The following L3MBTL4 variants were observed in gnomAD, a reference collection of about 807,000 sequenced individuals.
The protein encoded by L3MBTL4 is L3MBTL histone methyl-lysine binding protein 4.
In L3MBTL4, 70 loss-of-function variants were observed where a neutral mutation model predicts 84.5. The observed-to-expected ratio is 0.83, with a 90% CI of 0.68 to 1.01. The LOEUF is 1.01. L3MBTL4 is among the 50% of genes least tolerant of loss of function. The pLI is 0.00. For missense variants in L3MBTL4, 715 were observed against 754.8 expected (o/e 0.95, Z 0.62); for synonymous variants, 274 against 259.8 (o/e 1.05, Z -0.52).
intron 1 of L3MBTL4, among the ~76,000 whole-genome samples, chr18:6,315,799 A>G (rs1259267166): frequency 1.3e-5 from 2 of 152,176 alleles, no homozygotes; most frequent in Admixed American, 6.5e-5. Flanking sequence ...GTGGCTTCAT[A>G]TTGTCACTTT....
At chr18:5,965,088 A>G (rs2052279413) in intron 17 of L3MBTL4, among the ~76,000 whole-genome samples, 1 of 152,208 alleles carries the variant, frequency 6.6e-6, no homozygotes, top group African/African-American at 2.4e-5. Flanking sequence ...ACACCCACAC[A>G]CATCCCTCAC....
intron 1 of L3MBTL4, among the ~76,000 whole-genome samples, chr18:6,331,912 T>A (rs909737014): frequency 2.0e-5 from 3 of 151,108 alleles, no homozygotes; most frequent in Non-Finnish European, 4.4e-5. Flanking sequence ...TAAGATAACT[T>A]ATATCCAACA....
At chr18:6,303,652 T>C (rs2050441657) in intron 3 of L3MBTL4, among the ~76,000 whole-genome samples, 1 of 152,128 alleles carries the variant, frequency 6.6e-6, no homozygotes, top group Admixed American at 6.5e-5. Context: ...GACCTGTTCA[T>C]AGCACTTTGA....
chr18:6,403,162 T>C (rs2055581953), intron 1 of L3MBTL4, among the ~76,000 whole-genome samples: 1 of 152,236 alleles, frequency 6.6e-6, no homozygotes, highest in South Asian at 2.1e-4. Flanking sequence ...CATTTATGCG[T>C]ATGAAAAACC....
intron 1 of L3MBTL4, among the ~76,000 whole-genome samples, chr18:6,348,055 C>T (rs2053002586): frequency 6.6e-6 from 1 of 151,854 alleles, no homozygotes; most frequent in African/African-American, 2.4e-5. Flanking sequence ...AGCATTGATT[C>T]CTATTAAAGA....
chr18:6,394,337 G>A (rs1437096927), intron 1 of L3MBTL4, among the ~76,000 whole-genome samples: 1 of 152,016 alleles, frequency 6.6e-6, no homozygotes, highest in Non-Finnish European at 1.5e-5. Flanking sequence ...GTATGGTGAT[G>A]CACACCTGTA....
chr18:6,372,062 C>T (rs1409592749), intron 1 of L3MBTL4, among the ~76,000 whole-genome samples: 1 of 152,210 alleles, frequency 6.6e-6, no homozygotes, highest in Non-Finnish European at 1.5e-5. Context: ...CCTGACCACC[C>T]CTCCACCCAG....
chr18:6,172,308 A>G (rs572076884), intron 12 of L3MBTL4, among the ~76,000 whole-genome samples: 19 of 152,194 alleles, frequency 1.2e-4, no homozygotes, highest in Non-Finnish European at 2.4e-4. Flanking sequence ...CCATGTCAGC[A>G]TCATCAACAG....
chr18:6,213,284 C>T, intron 11 of L3MBTL4, 25 bp from the exon 12 acceptor site: 2 of 1,345,916 alleles, frequency 1.5e-6, no homozygotes, highest in South Asian at 1.3e-5. Context: ...ATAAGTACAA[C>T]AAATCATGCA....
At chr18:6,286,066 G>C (rs959130915) in intron 4 of L3MBTL4, among the ~76,000 whole-genome samples, 3 of 151,504 alleles carry the variant, frequency 2.0e-5, no homozygotes, top group African/African-American at 7.2e-5. Flanking sequence ...TCTTGACCTC[G>C]TGATCCGCCC....
chr18:6,161,493 G>A (rs933001921), intron 13 of L3MBTL4, among the ~76,000 whole-genome samples: 2 of 152,142 alleles, frequency 1.3e-5, no homozygotes, highest in Non-Finnish European at 2.9e-5. Context: ...TGAGATCCAC[G>A]GTGTGCACTC....
chr18:6,391,522 T>G (rs1009019557), intron 1 of L3MBTL4, among the ~76,000 whole-genome samples: 10 of 152,002 alleles, frequency 6.6e-5, no homozygotes, highest in African/African-American at 2.4e-4. Flanking sequence ...GGATCCAGAT[T>G]GGAAAAGAGG....
chr18:6,016,862 G>T (rs1055452725), intron 16 of L3MBTL4, among the ~76,000 whole-genome samples: 1 of 152,340 alleles, frequency 6.6e-6, no homozygotes, highest in African/African-American at 2.4e-5. Flanking sequence ...GAGGGCAGGG[G>T]TGCAGCAGGC....
intron 12 of L3MBTL4, among the ~76,000 whole-genome samples, chr18:6,205,384 G>A (rs997237786): frequency 2.0e-5 from 3 of 152,176 alleles, no homozygotes; most frequent in Admixed American, 6.5e-5. Context: ...CTAGAGAAAT[G>A]TAACATAGTA....
intron 14 of L3MBTL4, among the ~76,000 whole-genome samples, chr18:6,100,544 T>G (rs1032101916): frequency 6.6e-6 from 1 of 152,134 alleles, no homozygotes; most frequent in Non-Finnish European, 1.5e-5. Flanking sequence ...GTATAATGAG[T>G]GATTTGGGGT....
At chr18:6,047,773 T>C (rs574934555) in intron 16 of L3MBTL4, among the ~76,000 whole-genome samples, 85 of 152,250 alleles carry the variant, frequency 5.6e-4, no homozygotes, top group Non-Finnish European at 1.1e-3. Flanking sequence ...AAGCCATCTG[T>C]GACAAACCCA....
chr18:5,970,409 C>T (rs2052584066), intron 16 of L3MBTL4, among the ~76,000 whole-genome samples: 1 of 151,590 alleles, frequency 6.6e-6, no homozygotes, highest in African/African-American at 2.4e-5. Context: ...GTGCTGGTTT[C>T]CTGTCTTCAA....
chr18:6,012,369 A>T, intron 16 of L3MBTL4, among the ~76,000 whole-genome samples: 1 of 152,196 alleles, frequency 6.6e-6, no homozygotes, highest in East Asian at 1.9e-4. Flanking sequence ...GACAAAAAGG[A>T]GATAAAGAAG....
chr18:6,233,529 G>GACAA (rs1477856994), intron 10 of L3MBTL4, among the ~76,000 whole-genome samples: 8 of 143,426 alleles, frequency 5.6e-5, no homozygotes, highest in Admixed American at 2.7e-4. Context: ...ACCAATAACA[G>GACAA]ACAGAGAGCC....
Sources: gnomAD v4.1 joint callset for allele counts (sites outside exome capture counted in the v4.1 genomes callset) on GRCh38, gnomAD v4.1.1 for gene constraint, MANE v1.5 for transcripts, NCBI Gene and HGNC (gene_info 2026-07-23, HGNC 2026-07-21) for gene names.